MRO: variants seen among roughly 807,000 people sequenced by gnomAD.
MRO encodes protein maestro.
MRO carries 28 observed loss-of-function variants against 31.0 expected under a neutral mutation model. The observed-to-expected ratio is 0.90, with a 90% CI of 0.67 to 1.24. MRO has a LOEUF of 1.24. MRO is among the 50% of genes most tolerant of loss of function. The pLI is 0.00. For missense variants in MRO, 332 were observed against 289.2 expected (o/e 1.15, Z -1.07); for synonymous variants, 108 against 108.4 (o/e 1.00, Z 0.02).
chr18:50,815,135 CT>C, intron 2 of MRO: 2 of 218,466 alleles, frequency 9.2e-6, no homozygotes, highest in East Asian at 1.2e-4. Flanking sequence ...GCTCTTGTAA[CT>C]TTTGATGATC....
intron 3 of MRO, 133 bp from the exon 4 acceptor site, chr18:50,806,983 C>T (rs546735658): frequency 8.6e-5 from 76 of 884,330 alleles, no homozygotes; most frequent in South Asian, 3.7e-4. Flanking sequence ...CTACTAAAGA[C>T]GGCTGGGTTT....
rs1166648688 is a variant in MRO, at chr18:50,800,084, G to C, written c.645C>G (p.Ser215Arg). 8.1e-6 allele frequency: 13 copies of C among 1,613,860 alleles called. No homozygotes were observed. Among genetic ancestry groups the C allele is most frequent in the Non-Finnish European group, 9.3e-6 (11 of 1,179,844 alleles). The change falls in exon 7 of 8, where the codon AGC (serine) becomes AGG (arginine). Residue 215 changes from serine (S) to arginine (R), a missense_variant. Physicochemically the swap from Ser to Arg is moderately radical, Grantham distance 110 (BLOSUM62 -1). Transcript: ENST00000398439. Reference protein sequence around the residue: ...SPYLKLKEEYSFQSEEDQRNT... With the variant: ...SPYLKLKEEYRFQSEEDQRNT... ...TCCTTTGATCTTCTTCACTCTGGAAGCTGTATTCCTCCTTTAGTTTCAGAT... is the reference window on the plus strand; with the variant it reads ...TCCTTTGATCTTCTTCACTCTGGAACCTGTATTCCTCCTTTAGTTTCAGAT...
chr18:50,821,392 T>C (rs1419814195), upstream of MRO, among the ~76,000 whole-genome samples: 1 of 152,190 alleles, frequency 6.6e-6, no homozygotes, highest in Non-Finnish European at 1.5e-5. Context: ...AGTTCAATTC[T>C]TCCAAATTAG....
intron 2 of MRO, 87 bp from the exon 3 acceptor site, chr18:50,809,491 G>C: frequency 1.1e-6 from 1 of 874,416 alleles, no homozygotes; most frequent in Non-Finnish European, 1.8e-6. Flanking sequence ...GCTGGGGTAA[G>C]AATATAAAGA....
intron 5 of MRO, among the ~76,000 whole-genome samples, chr18:50,802,258 A>C (rs1913407986): frequency 6.6e-6 from 1 of 151,986 alleles, no homozygotes. Flanking sequence ...TGGATATAAT[A>C]ATCATGTTTC....
At chr18:50,809,067 A>G (rs1405403648) in intron 3 of MRO, among the ~76,000 whole-genome samples, 20 of 144,660 alleles carry the variant, frequency 1.4e-4, no homozygotes, top group African/African-American at 4.6e-4. Flanking sequence ...GAACCCGGGA[A>G]GTGGAGCTTG....
rs774585019 is a variant in MRO, at chr18:50,800,089, A to C, written c.640T>G (p.Tyr214Asp). 1.4e-5 allele frequency: 23 copies of C among 1,613,786 alleles called. No homozygotes were observed. The Middle Eastern group carries it at 4.9e-4, about 35-fold the overall frequency. Reference protein sequence around the residue: ...CSPYLKLKEEYSFQSEEDQRN... With the variant: ...CSPYLKLKEEDSFQSEEDQRN... ...TGATCTTCTTCACTCTGGAAGCTGT[A>C]TTCCTCCTTTAGTTTCAGATATGGA... The change falls in exon 7 of 8, where the codon TAC becomes GAC. Residue 214 changes from tyrosine (Y) to aspartate (D), a missense_variant. Transcript: ENST00000398439.
At chr18:50,813,996 T>A (rs1214981372) in intron 2 of MRO, among the ~76,000 whole-genome samples, 1 of 152,040 alleles carries the variant, frequency 6.6e-6, no homozygotes, top group Non-Finnish European at 1.5e-5. Flanking sequence ...AAAATAAAAT[T>A]TAAAAATTTT....
At chr18:50,822,544 G>A (rs898525261), upstream of MRO, among the ~76,000 whole-genome samples, 2 of 151,974 alleles carry the variant, frequency 1.3e-5, no homozygotes, top group Non-Finnish European at 2.9e-5. Context: ...CACCATGTTG[G>A]CCAGGCTGGT....
intron 2 of MRO, among the ~76,000 whole-genome samples, chr18:50,817,128 C>T (rs182766645): frequency 3.5e-4 from 53 of 152,302 alleles, no homozygotes; most frequent in African/African-American, 1.2e-3. Context: ...CTGGAAGATT[C>T]GATCTGTGAT....
At chr18:50,805,822 C>T (rs1307240067) in intron 4 of MRO, among the ~76,000 whole-genome samples, 2 of 152,170 alleles carry the variant, frequency 1.3e-5, no homozygotes, top group African/African-American at 4.8e-5. Flanking sequence ...TCTCTCACAG[C>T]TGATATTGCT....
chr18:50,809,868 T>G (rs4940020), intron 2 of MRO, among the ~76,000 whole-genome samples: 52,252 of 152,184 alleles, frequency 0.34, 9,338 homozygotes, highest in South Asian at 0.49. Context: ...CCTATAGATA[T>G]GAACACATCA....
chr18:50,819,640 G>A lies in MRO; in HGVS notation c.-64C>T, dbSNP rs1349336580. On this transcript the variant is annotated 5_prime_UTR_variant, in exon 2 of 8. Transcript: ENST00000398439. ...CCGGAGCCCGTTCCTGACTCGGGAG[G>A]GCTGCTTTCCCGGGTAGTAGCCAAA... is the stretch of plus-strand genomic sequence containing the variant. 6.4e-7 allele frequency: 1 copy of A among 1,551,550 alleles called. No individual in the cohort carries two copies. The highest frequency in any genetic ancestry group is 1.2e-5 in the South Asian group (1 of 84,034).
At chr18:50,821,939 A>T (rs1363700233), upstream of MRO, among the ~76,000 whole-genome samples, 1 of 152,174 alleles carries the variant, frequency 6.6e-6, no homozygotes, top group Non-Finnish European at 1.5e-5. Flanking sequence ...ACACAGCACA[A>T]ACTTGGGAAG....
chr18:50,822,007 G>C (rs1034892798), upstream of MRO, among the ~76,000 whole-genome samples: 1 of 152,088 alleles, frequency 6.6e-6, no homozygotes, highest in African/African-American at 2.4e-5. Context: ...TGTGGCCCTG[G>C]GTCACAGTAC....
intron 2 of MRO, chr18:50,815,781 C>G (rs985066619): frequency 5.7e-6 from 2 of 350,214 alleles, no homozygotes; most frequent in African/African-American, 4.3e-5. Context: ...CACCTGTAAT[C>G]CCAGCACTTT....
intron 2 of MRO, chr18:50,815,075 A>T (rs772989195): frequency 7.2e-5 from 14 of 194,658 alleles, no homozygotes; most frequent in East Asian, 1.6e-4. Flanking sequence ...ATAATAATAA[A>T]AAATAAAAAA....
At chr18:50,808,812 T>A (rs1005606121) in intron 3 of MRO, among the ~76,000 whole-genome samples, 44 of 151,630 alleles carry the variant, frequency 2.9e-4, no homozygotes, top group African/African-American at 9.4e-4. Context: ...CAACTTATCT[T>A]CCTGTCATCC....
At chr18:50,809,144 C>CAAAAAAAAAAAAAAAAAAAAAAAAAA (rs61728184) in intron 3 of MRO, among the ~76,000 whole-genome samples, 158 bp downstream of exon 3, 4 of 99,098 alleles carry the variant, frequency 4.0e-5, no homozygotes, top group Non-Finnish European at 7.7e-5. Context: ...GACTCCGTCT[C>CAAAAAAAAAAAAAAAAAAAAAAAAAA]AAAAAAAAAA....
Sources: allele counts gnomAD v4.1 joint callset (sites outside exome capture counted in the v4.1 genomes callset), GRCh38; gene constraint gnomAD v4.1.1; transcripts MANE v1.5; gene names NCBI Gene and HGNC (gene_info 2026-07-23, HGNC 2026-07-21).